The following PACRG variants were observed in gnomAD, a reference collection of about 807,000 sequenced individuals.
PACRG encodes parkin coregulated gene protein.
In PACRG, 29 loss-of-function variants were observed where a neutral mutation model predicts 29.7. The observed-to-expected ratio is 0.98, with a 90% CI of 0.73 to 1.33. The LOEUF (loss-of-function observed/expected upper bound fraction) is 1.33. PACRG is among the 40% of genes most tolerant of loss of function. PACRG has a pLI of 0.00. For missense variants in PACRG, 279 were observed against 316.2 expected, an observed-to-expected ratio of 0.88 and a Z score of 0.89; for synonymous variants, 116 against 118.7, an observed-to-expected ratio of 0.98 and a Z score of 0.15.
chr6:163,154,530 A>G (rs962202161), intron 4 of PACRG, among the ~76,000 whole-genome samples: 2 of 152,140 alleles, frequency 1.3e-5, no homozygotes, highest in African/African-American at 2.4e-5. Context: ...CGGGGGAGAA[A>G]AGGAATTAAA....
chr6:162,920,989 T>C (rs956930658), intron 2 of PACRG, among the ~76,000 whole-genome samples: 1 of 152,208 alleles, frequency 6.6e-6, no homozygotes. Context: ...ATCTATTATA[T>C]TTTATGTTTA....
chr6:162,811,131 C>T (rs1412479704), intron 1 of PACRG, among the ~76,000 whole-genome samples: 2 of 152,106 alleles, frequency 1.3e-5, no homozygotes, highest in African/African-American at 4.8e-5. Context: ...ATGGAAGTGG[C>T]ACACTATTTT....
chr6:162,850,842 G>C (rs1247487943), intron 2 of PACRG, among the ~76,000 whole-genome samples: 1 of 152,246 alleles, frequency 6.6e-6, no homozygotes, highest in Non-Finnish European at 1.5e-5. Context: ...GCTTGAAGCT[G>C]GTTGGTCAGA....
intron 2 of PACRG, among the ~76,000 whole-genome samples, chr6:163,009,342 T>C (rs1386040418): frequency 1.3e-5 from 2 of 152,218 alleles, no homozygotes; most frequent in Non-Finnish European, 2.9e-5. Flanking sequence ...TTTCACTCTA[T>C]ATATTATTCC....
intron 4 of PACRG, among the ~76,000 whole-genome samples, chr6:163,209,587 T>C (rs578227962): frequency 2.0e-5 from 3 of 152,342 alleles, no homozygotes; most frequent in African/African-American, 7.2e-5. Flanking sequence ...AACTGCTACA[T>C]AATGTTTATT....
chr6:162,820,796 T>C (rs1409443999), intron 2 of PACRG, among the ~76,000 whole-genome samples: 1 of 152,204 alleles, frequency 6.6e-6, no homozygotes. Context: ...TCTATTTCTT[T>C]TGATAACTGC....
rs1466980988 is a variant in PACRG at position 163,066,130 on chromosome 6, A to G, written c.463+3809A>G. Among the ~76,000 whole-genome samples the G allele has an allele frequency of 2.0e-5, 3 of 152,262 alleles. No homozygotes were observed. In the East Asian group the frequency reaches 5.8e-4, roughly 29 times the overall value. On this transcript the variant is annotated intron_variant, in intron 3 of 4. Transcript: ENST00000366888. ...AGTGAAAACAGACTCAGGTGGAGGC[A>G]CAATTTGCCAAAAACTTTAAATTAT...
chr6:163,172,349 A>G (rs1335596215), intron 4 of PACRG, among the ~76,000 whole-genome samples: 1 of 152,182 alleles, frequency 6.6e-6, no homozygotes, highest in Non-Finnish European at 1.5e-5. Context: ...AACAAAGATG[A>G]TGGGATTTTT....
intron 1 of PACRG, among the ~76,000 whole-genome samples, chr6:162,771,756 C>A (rs2128303219): frequency 6.6e-6 from 1 of 152,232 alleles, no homozygotes; most frequent in African/African-American, 2.4e-5. Context: ...ACATAACTCT[C>A]AAGAACATTT....
At chr6:163,222,522 G>T (rs1485459212) in intron 4 of PACRG, among the ~76,000 whole-genome samples, 1 of 152,210 alleles carries the variant, frequency 6.6e-6, no homozygotes, top group East Asian at 1.9e-4. Context: ...GGAGGTTGCG[G>T]TGAGCTGAGA....
In PACRG at chr6:162,999,187, A is replaced by G. The variant is rs192035246; in HGVS notation, c.292-62963A>G. Among the ~76,000 whole-genome samples the G allele has an allele frequency of 6.9e-3, 1,044 of 152,344 alleles. 16 individuals are homozygous for G. Among genetic ancestry groups the G allele is most frequent in the African/African-American group, 0.024 (984 of 41,556 alleles). On this transcript the variant is annotated intron_variant, in intron 2 of 4. Transcript: ENST00000366888. ...CAAATAATTATGGGCAGAAATAAACATAAATAAGAGGATATCAAGAGATTG... is the reference window on the plus strand; with the variant it reads ...CAAATAATTATGGGCAGAAATAAACGTAAATAAGAGGATATCAAGAGATTG...
chr6:163,137,275 C>T (rs895814144), intron 4 of PACRG, among the ~76,000 whole-genome samples: 2 of 152,064 alleles, frequency 1.3e-5, no homozygotes, highest in African/African-American at 4.8e-5. Context: ...ATTTAAATTT[C>T]ATCATTATCC....
At chr6:162,901,144 G>C (rs1217032076) in intron 2 of PACRG, among the ~76,000 whole-genome samples, 1 of 152,156 alleles carries the variant, frequency 6.6e-6, no homozygotes, top group Non-Finnish European at 1.5e-5. Flanking sequence ...GGTATTTAGA[G>C]GACTGTCATA....
At chr6:162,905,848 G>A (rs1326646983) in intron 2 of PACRG, among the ~76,000 whole-genome samples, 2 of 152,176 alleles carry the variant, frequency 1.3e-5, no homozygotes, top group African/African-American at 2.4e-5. Context: ...CCAATGGAGA[G>A]TGAAATGGTG....
intron 2 of PACRG, among the ~76,000 whole-genome samples, chr6:162,987,039 G>A (rs1327538563): frequency 6.6e-6 from 1 of 151,590 alleles, no homozygotes; most frequent in Non-Finnish European, 1.5e-5. Context: ...TTTCTTCTTG[G>A]TTTGCATTAA....
chr6:162,932,806 TTA>T (rs1797947702), intron 2 of PACRG, among the ~76,000 whole-genome samples: 1 of 152,008 alleles, frequency 6.6e-6, no homozygotes, highest in South Asian at 2.1e-4. Context: ...CCAATTTTGC[TTA>T]TCTTTAAAAA....
intron 4 of PACRG, among the ~76,000 whole-genome samples, chr6:163,281,070 C>T (rs561804372): frequency 2.0e-5 from 3 of 152,084 alleles, no homozygotes; most frequent in East Asian, 3.9e-4. Flanking sequence ...TTTGTGCATC[C>T]GGAGATGGGG....
In PACRG at chr6:163,084,650, G is replaced by T. The variant is rs528077347; in HGVS notation, c.464-4609G>T. Among the ~76,000 whole-genome samples the T allele has an allele frequency of 3.3e-5, 5 of 152,010 alleles. No individual in the cohort carries two copies. In the East Asian group the frequency reaches 9.7e-4, roughly 29 times the overall value. On this transcript the variant is annotated intron_variant, in intron 3 of 4. Coordinates refer to ENST00000366888, the MANE Select transcript of PACRG (RefSeq NM_001080379.2). ...TCTTGGTCACTGTCAATCCAATAAC[G>T]TTGATCACAACCATGTTAATTCAGG...
At chr6:162,917,135 T>A (rs1796751352) in intron 2 of PACRG, among the ~76,000 whole-genome samples, 1 of 152,210 alleles carries the variant, frequency 6.6e-6, no homozygotes, top group Non-Finnish European at 1.5e-5. Context: ...CAATTATCCA[T>A]GTTATTTTGA....
Sources: allele counts gnomAD v4.1 joint callset (sites outside exome capture counted in the v4.1 genomes callset), GRCh38; gene constraint gnomAD v4.1.1; transcripts MANE v1.5; gene names NCBI Gene and HGNC (gene_info 2026-07-23, HGNC 2026-07-21).